The following RYR3 variants were observed in gnomAD, a reference collection of about 807,000 sequenced individuals.
RYR3 encodes the protein ryanodine receptor 3.
Under a neutral mutation model 584.3 loss-of-function variants are expected in RYR3, and 207 were observed. The observed-to-expected ratio is 0.35, with a 90% confidence interval of 0.32 to 0.40. The LOEUF is 0.40. Ranked by LOEUF, RYR3 falls within the 10% of genes least tolerant of loss-of-function variation. RYR3 has a pLI of 1.00. For synonymous variants in RYR3, 2,416 were observed against 2,248.5 expected (o/e 1.07, Z -2.11); for missense variants, 5,616 against 6,089.2 (o/e 0.92, Z 2.59).
chr15:33,473,716 T>C (rs919269910), intron 2 of RYR3, among the ~76,000 whole-genome samples, 178 bp downstream of exon 2: 3 of 152,206 alleles, frequency 2.0e-5, no homozygotes, highest in Non-Finnish European at 1.5e-5. Context: ...GAATCGTTGA[T>C]GTAGGAACCC....
chr15:33,383,360 G>C (rs1444564147), intron 1 of RYR3, among the ~76,000 whole-genome samples: 1 of 149,954 alleles, frequency 6.7e-6, no homozygotes, highest in South Asian at 2.2e-4. Flanking sequence ...ATGCAGTTTT[G>C]AGATACGCCA....
intron 3 of RYR3, among the ~76,000 whole-genome samples, chr15:33,518,144 C>T (rs2053675536): frequency 6.6e-6 from 1 of 152,172 alleles, no homozygotes; most frequent in African/African-American, 2.4e-5. Flanking sequence ...TCTGGCACTT[C>T]CTCTCACTGT....
intron 10 of RYR3, 98 bp downstream of exon 10, chr15:33,550,414 A>G: frequency 8.0e-7 from 1 of 1,255,938 alleles, no homozygotes; most frequent in Non-Finnish European, 1.1e-6. Flanking sequence ...AGGCTGGAAC[A>G]AAGTGAAATT....
chr15:33,701,238 A>G (rs2066280891), intron 42 of RYR3, among the ~76,000 whole-genome samples, 158 bp downstream of exon 42: 1 of 152,052 alleles, frequency 6.6e-6, no homozygotes, highest in African/African-American at 2.4e-5. Context: ...CGGTAGCAGC[A>G]CAACGATTAT....
chr15:33,854,823 T>C lies in RYR3; in HGVS notation c.13918T>C (p.Phe4640Leu). ...TMSVLGHYNN[F>L]FFAAHLLDIA... ...GTCAGTCCTGGGCCACTACAATAAC[T>C]TCTTCTTTGCTGCTCACCTATTGGA... The change falls in exon 98 of 104, where the codon TTC becomes CTC. Residue 4640 changes from phenylalanine (F) to leucine (L), a missense_variant. Around this residue, in one of 9 missense-constraint regions of RYR3, gnomAD observed 918 missense variants for 887.4 expected, o/e 1.03. Transcript: ENST00000634891. The C allele has an allele frequency of 6.2e-7, 1 of 1,613,916 alleles. No individual in the cohort carries two copies. Among genetic ancestry groups the C allele is most frequent in the Non-Finnish European group, 8.5e-7 (1 of 1,179,856 alleles).
At chr15:33,714,026 T>C (rs2067311197) in intron 43 of RYR3, among the ~76,000 whole-genome samples, 1 of 152,116 alleles carries the variant, frequency 6.6e-6, no homozygotes, top group African/African-American at 2.4e-5. Flanking sequence ...TATCTTCATA[T>C]TGTAGATGAA....
intron 20 of RYR3, among the ~76,000 whole-genome samples, chr15:33,627,477 G>C (rs553239678): frequency 6.6e-6 from 1 of 152,298 alleles, no homozygotes. Flanking sequence ...AGGTGCTGAG[G>C]AAGGTGGGTG....
chr15:33,598,621 C>CT (rs1332484578), intron 16 of RYR3, among the ~76,000 whole-genome samples: 26 of 146,700 alleles, frequency 1.8e-4, no homozygotes, highest in African/African-American at 6.4e-4. Flanking sequence ...GTCTGCCAGC[C>CT]TAGAAGCAGG....
intron 10 of RYR3, among the ~76,000 whole-genome samples, chr15:33,554,549 G>C (rs934575893): frequency 6.6e-6 from 1 of 152,104 alleles, no homozygotes; most frequent in African/African-American, 2.4e-5. Flanking sequence ...GCCCGCCTCG[G>C]CCTCCCAAAG....
intron 67 of RYR3, among the ~76,000 whole-genome samples, chr15:33,794,594 A>G (rs1182845931): frequency 6.6e-6 from 1 of 152,052 alleles, no homozygotes; most frequent in Non-Finnish European, 1.5e-5. Flanking sequence ...GACTCAAGAC[A>G]GAGTATGTTG....
At position 33,831,025 on chromosome 15, in the gene RYR3, G is replaced by A. The variant is rs373615131; in HGVS notation, c.11397G>A (p.Gln3799=). The A allele has an allele frequency of 8.7e-5, 141 of 1,613,550 alleles. No individual in the cohort carries two copies. The African/African-American group carries it at 1.7e-3, about 20-fold the overall frequency. ...SGKDIIDESG[Q]HNFSKALAVT... is the part of the protein sequence containing the mutation. ...AGGACATCATTGATGAATCTGGACA[G>A]CACAATTTTTCCAAAGCTCTGGCAG... The change falls in exon 86 of 104, where the codon CAG becomes CAA. Residue 3799 remains glutamine (Q), a synonymous_variant. Coordinates refer to ENST00000634891, the MANE Select transcript of RYR3 (RefSeq NM_001036.6).
chr15:33,481,184 G>A (rs1294778478), intron 2 of RYR3, among the ~76,000 whole-genome samples: 1 of 152,034 alleles, frequency 6.6e-6, no homozygotes, highest in Non-Finnish European at 1.5e-5. Context: ...TTTACCTTAT[G>A]TATGTATTTA....
chr15:33,659,682 A>T, intron 32 of RYR3, 38 bp from the exon 33 acceptor site: 1 of 1,387,196 alleles, frequency 7.2e-7, no homozygotes, highest in Non-Finnish European at 1.0e-6. Context: ...TTGTTTGTCC[A>T]GCTCTGGGCA....
intron 44 of RYR3, 137 bp downstream of exon 44, chr15:33,723,032 G>A (rs374910430): frequency 2.1e-4 from 162 of 770,666 alleles, no homozygotes; most frequent in African/African-American, 7.7e-4. Context: ...ACCCTTCATC[G>A]AGAACAGTGT....
intron 12 of RYR3, among the ~76,000 whole-genome samples, chr15:33,571,095 C>T (rs2058003214): frequency 7.0e-6 from 1 of 143,272 alleles, no homozygotes; most frequent in Non-Finnish European, 1.5e-5. Flanking sequence ...CTGGAACATC[C>T]ACTACAATGT....
At chr15:33,701,155 A>T in intron 42 of RYR3, 75 bp downstream of exon 42, 2 of 910,418 alleles carry the variant, frequency 2.2e-6, no homozygotes, top group Middle Eastern at 2.2e-4. Context: ...TAAGCAGACC[A>T]CGGATGGAGT....
intron 32 of RYR3, among the ~76,000 whole-genome samples, chr15:33,657,597 C>T (rs887606109): frequency 6.6e-6 from 1 of 152,218 alleles, no homozygotes; most frequent in Non-Finnish European, 1.5e-5. Flanking sequence ...CATGTCTCAT[C>T]ACCATGAACT....
intron 69 of RYR3, among the ~76,000 whole-genome samples, chr15:33,805,457 AC>A (rs1167258737): frequency 7.4e-6 from 1 of 135,508 alleles, no homozygotes; most frequent in Admixed American, 7.6e-5. Flanking sequence ...CTCCCCTACC[AC>A]TTTTCTCTCT....
intron 18 of RYR3, 98 bp from the exon 19 acceptor site, chr15:33,613,085 T>C: frequency 1.2e-6 from 1 of 853,694 alleles, no homozygotes; most frequent in Non-Finnish European, 1.9e-6. Flanking sequence ...TGAGTACCCA[T>C]CACACCTCCC....
Sources: allele counts gnomAD v4.1 joint callset (sites outside exome capture counted in the v4.1 genomes callset), GRCh38; gene constraint gnomAD v4.1.1; regional missense constraint gnomAD v4.1.1; transcripts MANE v1.5; gene names NCBI Gene and HGNC (gene_info 2026-07-23, HGNC 2026-07-21).